GABRB1: variants seen among roughly 807,000 people sequenced by gnomAD.
The protein encoded by GABRB1 is gamma-aminobutyric acid type A receptor subunit beta1, also known as gamma-aminobutyric acid receptor subunit beta-1.
In GABRB1, 17 loss-of-function variants were observed where a neutral mutation model predicts 51.6. The observed-to-expected ratio is 0.33, with a 90% CI of 0.23 to 0.49. GABRB1 has a LOEUF of 0.49. Among genes scored for constraint, GABRB1 ranks in the 20% least tolerant of loss-of-function variants. The probability of loss-of-function intolerance (pLI) is 0.99; values close to 1 mark genes in which losing one functional copy is unlikely to be tolerated. For missense variants in GABRB1, 410 were observed against 600.6 expected, an observed-to-expected ratio of 0.68 and a Z score of 3.32; for synonymous variants, 247 against 218.9, an observed-to-expected ratio of 1.13 and a Z score of -1.14.
At chr4:47,391,664 C>T (rs180900646) in intron 5 of GABRB1, among the ~76,000 whole-genome samples, 96 of 152,316 alleles carry the variant, frequency 6.3e-4, no homozygotes, top group South Asian at 4.6e-3. Flanking sequence ...CCTGTAAGGC[C>T]TCTGTGAAGG....
intron 1 of GABRB1, among the ~76,000 whole-genome samples, chr4:47,019,547 GTT>G (rs1456928013): frequency 2.2e-5 from 2 of 88,974 alleles, no homozygotes; most frequent in South Asian, 6.7e-4. Context: ...AGCAGGTTTA[GTT>G]TCTCTCTCTC....
intron 1 of GABRB1, among the ~76,000 whole-genome samples, chr4:47,024,319 T>C (rs1725019616): frequency 6.6e-6 from 1 of 151,996 alleles, no homozygotes; most frequent in Non-Finnish European, 1.5e-5. Flanking sequence ...TATATGCCCA[T>C]ATTTTTATGT....
chr4:47,350,282 T>TAGAG (rs1294881496), intron 5 of GABRB1, among the ~76,000 whole-genome samples: 4 of 141,224 alleles, frequency 2.8e-5, no homozygotes, highest in African/African-American at 8.0e-5. Flanking sequence ...TATATATATA[T>TAGAG]ATATAGAGAG....
chr4:47,248,935 T>C (rs1255110266), intron 4 of GABRB1, among the ~76,000 whole-genome samples: 2 of 152,116 alleles, frequency 1.3e-5, no homozygotes, highest in Non-Finnish European at 2.9e-5. Context: ...CTATCAATTT[T>C]ATTTCTATTT....
intron 4 of GABRB1, among the ~76,000 whole-genome samples, chr4:47,197,498 T>G (rs952882358): frequency 6.6e-5 from 10 of 152,192 alleles, no homozygotes; most frequent in African/African-American, 2.4e-4. Context: ...CTGAATCTGA[T>G]GGAGGAAAAT....
chr4:47,224,709 G>A (rs1400185970), intron 4 of GABRB1, among the ~76,000 whole-genome samples: 2 of 152,100 alleles, frequency 1.3e-5, no homozygotes, highest in East Asian at 3.9e-4. Context: ...TTAAAAGACA[G>A]CTCAGAGGAG....
intron 3 of GABRB1, among the ~76,000 whole-genome samples, chr4:47,118,581 C>T (rs1231653490): frequency 1.3e-5 from 2 of 152,064 alleles, no homozygotes; most frequent in African/African-American, 4.8e-5. Context: ...ATTCAGAATT[C>T]CATAATTGAC....
At chr4:47,377,664 C>A (rs1311005879) in intron 5 of GABRB1, among the ~76,000 whole-genome samples, 3 of 152,066 alleles carry the variant, frequency 2.0e-5, no homozygotes, top group Non-Finnish European at 4.4e-5. Context: ...ATTGGTAGAG[C>A]CTAGTGGTCT....
chr4:46,995,567 G>A (rs1018107968), intron 1 of GABRB1, among the ~76,000 whole-genome samples: 1 of 152,038 alleles, frequency 6.6e-6, no homozygotes, highest in Non-Finnish European at 1.5e-5. Flanking sequence ...GCTCTGCGAT[G>A]TCACCAGGCT....
intron 4 of GABRB1, among the ~76,000 whole-genome samples, chr4:47,293,561 T>C (rs1048193747): frequency 6.6e-6 from 1 of 152,164 alleles, no homozygotes; most frequent in Admixed American, 6.5e-5. Flanking sequence ...TCTATAGATA[T>C]AGATATAAAC....
chr4:47,205,465 T>C (rs1156703719), intron 4 of GABRB1, among the ~76,000 whole-genome samples: 2 of 152,138 alleles, frequency 1.3e-5, no homozygotes, highest in African/African-American at 4.8e-5. Context: ...TCCTTCAAAT[T>C]AATTTTGTCC....
At chr4:47,411,555 A>G (rs1322664938) in intron 8 of GABRB1, among the ~76,000 whole-genome samples, 1 of 152,220 alleles carries the variant, frequency 6.6e-6, no homozygotes, top group Non-Finnish European at 1.5e-5. Flanking sequence ...GAGGGAGATC[A>G]TTGCAGTAAT....
intron 3 of GABRB1, among the ~76,000 whole-genome samples, chr4:47,150,680 A>G (rs1397972438): frequency 6.6e-6 from 1 of 151,926 alleles, no homozygotes; most frequent in Non-Finnish European, 1.5e-5. Flanking sequence ...TATAAGCATG[A>G]GCAAAAATAC....
At chr4:47,105,652 C>T (rs1310372193) in intron 3 of GABRB1, among the ~76,000 whole-genome samples, 1 of 152,092 alleles carries the variant, frequency 6.6e-6, no homozygotes, top group Non-Finnish European at 1.5e-5. Flanking sequence ...GTCTCTTCCT[C>T]TAGAATTTTA....
chr4:47,212,083 G>A (rs1720378713), intron 4 of GABRB1, among the ~76,000 whole-genome samples: 1 of 152,132 alleles, frequency 6.6e-6, no homozygotes, highest in African/African-American at 2.4e-5. Context: ...GTGGCAAAGG[G>A]AATGGAACAG....
At chr4:46,999,723 T>C (rs769213459) in intron 1 of GABRB1, among the ~76,000 whole-genome samples, 2 of 152,210 alleles carry the variant, frequency 1.3e-5, no homozygotes, top group Non-Finnish European at 2.9e-5. Context: ...CTAAAACTCC[T>C]TCTGCTTATA....
At chr4:47,321,917 G>A (rs1725099486) in intron 5 of GABRB1, among the ~76,000 whole-genome samples, 1 of 152,118 alleles carries the variant, frequency 6.6e-6, no homozygotes, top group Non-Finnish European at 1.5e-5. Flanking sequence ...GTTGTAAATT[G>A]TAAGTTCTAA....
At chr4:47,167,080 C>T (rs1718222912) in intron 4 of GABRB1, among the ~76,000 whole-genome samples, 1 of 152,106 alleles carries the variant, frequency 6.6e-6, no homozygotes, top group South Asian at 2.1e-4. Context: ...TTTGTATCCT[C>T]TCTCTCAAAC....
chr4:47,170,438 CATT>C (rs1203410413), intron 4 of GABRB1, among the ~76,000 whole-genome samples: 2 of 151,706 alleles, frequency 1.3e-5, no homozygotes, highest in Non-Finnish European at 2.9e-5. Flanking sequence ...CACACACACA[CATT>C]ATTGATTTTT....
Sources: allele counts gnomAD v4.1 joint callset (sites outside exome capture counted in the v4.1 genomes callset), GRCh38; gene constraint gnomAD v4.1.1; transcripts MANE v1.5; gene names NCBI Gene and HGNC (gene_info 2026-07-23, HGNC 2026-07-21).